LRRC9: variants seen among roughly 807,000 people sequenced by gnomAD.
LRRC9 encodes leucine rich repeat containing 9.
In LRRC9, 122 loss-of-function variants were observed where a neutral mutation model predicts 63.2. That is an observed-to-expected ratio of 1.93 (90% CI 1.67 to 2.24). LRRC9 has a LOEUF of 2.24. LRRC9 is among the 30% of genes most tolerant of loss of function. LRRC9 has a pLI of 0.00. For missense variants in LRRC9, 1,071 were observed against 627.7 expected (o/e 1.71, Z -7.55); for synonymous variants, 366 against 213.1 (o/e 1.72, Z -6.25).
At chr14:60,052,984 G>A (rs1894004514) in intron 29 of LRRC9, 81 bp from the exon 30 acceptor site, 2 of 578,144 alleles carry the variant, frequency 3.5e-6, no homozygotes, top group Non-Finnish European at 6.2e-6. Context: ...TGTTGCCTAT[G>A]CTAAATTTCC....
chr14:60,008,517 TG>T, intron 23 of LRRC9, among the ~76,000 whole-genome samples: 1 of 152,280 alleles, frequency 6.6e-6, no homozygotes, highest in Admixed American at 6.5e-5. Context: ...AATTATGCAC[TG>T]GGGATTTAGC....
In LRRC9 at chr14:60,060,818, T is replaced by C. The variant is rs1304015793; in HGVS notation, c.4277-2505T>C. 1.3e-5 allele frequency among the ~76,000 whole-genome samples: 2 copies of C among 152,160 alleles called. No individual in the cohort carries two copies. The highest frequency in any genetic ancestry group is 4.8e-5 in the African/African-American group (2 of 41,436). The stretch of plus-strand genomic sequence containing the variant: ...TAAATTGAAGACCTTCTGGAAAGGA[T>C]TCACCATTCTAGACGCCATTAAAAA... On this transcript the variant is annotated intron_variant, in intron 31 of 31. Transcript: ENST00000445360. This position sits in a 1 kb window ranked among gnomAD's most constrained non-coding sequence, Gnocchi z 4.0.
intron 19 of LRRC9, 86 bp downstream of exon 19, chr14:59,999,312 T>C (rs1889125396): frequency 1.7e-6 from 1 of 583,312 alleles, no homozygotes; most frequent in Non-Finnish European, 3.0e-6. Flanking sequence ...ATTAAGATTT[T>C]ATAGTCCCTC....
In LRRC9 at chr14:60,004,083, A is replaced by C. The variant is rs183003956; in HGVS notation, c.2842+285A>C. On this transcript the variant is annotated intron_variant, in intron 21 of 31. Coordinates refer to ENST00000445360, the Ensembl canonical transcript of LRRC9. This position sits in a 1 kb window ranked among gnomAD's most constrained non-coding sequence, Gnocchi z 4.8. The stretch of plus-strand genomic sequence containing the variant: ...AAATAAAAGATAAATAAAAAATTAA[A>C]ACGAGTTCATACCTATTAGTGGAAT... Among the ~76,000 whole-genome samples, 1 of 152,152 alleles carries C rather than the reference A, an allele frequency of 6.6e-6. No homozygotes were observed.
chr14:59,992,653 G>A (rs75748395), intron 17 of LRRC9, among the ~76,000 whole-genome samples: 2,409 of 152,270 alleles, frequency 0.016, 88 homozygotes, highest in East Asian at 0.16. Context: ...CAAGAGCTAC[G>A]TGACAAATAC....
chr14:60,058,880 A>T lies in LRRC9; in HGVS notation c.4276+858A>T, dbSNP rs1894470258. On this transcript the variant is annotated intron_variant, in intron 31 of 31. Transcript: ENST00000445360. This position sits in a 1 kb window ranked among gnomAD's most constrained non-coding sequence, Gnocchi z 4.4. ...GCATAATTTACTCCATTAAGATGTT[A>T]TATTTTCTCATTTTTCATACTTATA... is the stretch of plus-strand genomic sequence containing the variant. Among the ~76,000 whole-genome samples, 2 of 152,210 alleles carry T rather than the reference A, an allele frequency of 1.3e-5. No homozygotes were observed.
chr14:59,976,859 A>G (rs1886339849), intron 13 of LRRC9, among the ~76,000 whole-genome samples: 1 of 152,240 alleles, frequency 6.6e-6, no homozygotes, highest in Non-Finnish European at 1.5e-5. Context: ...GCCTCCTACC[A>G]TCTAAGCTAT....
At chr14:60,016,086 G>C (rs186833526) in intron 23 of LRRC9, among the ~76,000 whole-genome samples, 1 of 152,236 alleles carries the variant, frequency 6.6e-6, no homozygotes, top group East Asian at 1.9e-4. Context: ...CTAACACCCA[G>C]TAGAGATTAT....
At chr14:60,057,455 T>C in intron 30 of LRRC9, 1 of 152,744 alleles carries the variant, frequency 6.5e-6, no homozygotes, top group East Asian at 1.9e-4. Flanking sequence ...TCTGATTAGG[T>C]AATGTGAAGA....
chr14:60,023,110 G>A lies in LRRC9; in HGVS notation c.3703+240G>A, dbSNP rs566723990. ...TTACATCATAATTTACTTGTATATC[G>A]TATTCAACTTAAAAAACAATAAAAA... On this transcript the variant is annotated intron_variant, in intron 27 of 31. Coordinates refer to ENST00000445360, the Ensembl canonical transcript of LRRC9. Among the ~76,000 whole-genome samples, 7 of 151,396 alleles carry A rather than the reference G, an allele frequency of 4.6e-5. No homozygotes were observed. The South Asian group carries it at 8.3e-4, about 18-fold the overall frequency.
chr14:60,010,587 C>G (rs1890187059), intron 23 of LRRC9, among the ~76,000 whole-genome samples: 1 of 152,220 alleles, frequency 6.6e-6, no homozygotes, highest in Non-Finnish European at 1.5e-5. Flanking sequence ...GTTACTTATG[C>G]AAATTTCTGC....
intron 17 of LRRC9, among the ~76,000 whole-genome samples, chr14:59,987,925 A>G (rs1887653339): frequency 6.6e-6 from 1 of 152,230 alleles, no homozygotes; most frequent in South Asian, 2.1e-4. Context: ...TTTTCAAGAT[A>G]ATGAATTTGT....
chr14:60,000,465 A>T (rs1290772648), intron 19 of LRRC9, among the ~76,000 whole-genome samples: 2 of 152,144 alleles, frequency 1.3e-5, no homozygotes, highest in Non-Finnish European at 2.9e-5. Flanking sequence ...TTAGTTTTTT[A>T]AAAAGAAATC....
In LRRC9 at chr14:60,057,268, C is replaced by T. The variant is rs538696682; in HGVS notation, c.4132-610C>T. ...AGTCCCCTTCCTAAAATATTTTTCT[C>T]CTCTATTTGCTGATTCCTGAAATTC... is the stretch of plus-strand genomic sequence containing the variant. On this transcript the variant is annotated intron_variant, in intron 30 of 31. Transcript: ENST00000445360. Among the ~76,000 whole-genome samples the T allele has an allele frequency of 9.2e-5, 14 of 152,198 alleles. 2 individuals are homozygous for T. The highest frequency in any genetic ancestry group is 3.1e-4 in the African/African-American group (13 of 41,548).
In LRRC9 at chr14:59,964,371, GT is replaced by G. The variant is rs1884631846; in HGVS notation, c.1212-2214del. ...AACGCAGTACTCCACCACATAAGTG[GT>G]TTTGTTTGTTCTGTTTCCTTCACCC... On this transcript the variant is annotated intron_variant, in intron 10 of 31. Coordinates refer to ENST00000445360, the Ensembl canonical transcript of LRRC9. The surrounding 1 kb of genome is among the most constrained non-coding windows in gnomAD (Gnocchi z 4.4). Among the ~76,000 whole-genome samples the G allele has an allele frequency of 6.6e-6, 1 of 152,190 alleles. No individual in the cohort carries two copies. Among genetic ancestry groups the G allele is most frequent in the Admixed American group, 6.5e-5 (1 of 15,284 alleles).
intron 21 of LRRC9, among the ~76,000 whole-genome samples, chr14:60,005,603 C>T (rs1889745432): frequency 6.6e-6 from 1 of 152,022 alleles, no homozygotes; most frequent in Admixed American, 6.6e-5. Flanking sequence ...CAACATTGTA[C>T]AGTCCCACAA....
At chr14:60,002,149 T>G in intron 20 of LRRC9, 49 bp downstream of exon 20, 1 of 661,054 alleles carries the variant, frequency 1.5e-6, no homozygotes. Flanking sequence ...TTTAAATCTA[T>G]TTTTAAGTCA....
intron 14 of LRRC9, among the ~76,000 whole-genome samples, chr14:59,977,613 A>T (rs1886441925): frequency 6.7e-6 from 1 of 150,250 alleles, no homozygotes; most frequent in South Asian, 2.1e-4. Flanking sequence ...TTCATTTTCA[A>T]AGAATTAAAA....
intron 10 of LRRC9, among the ~76,000 whole-genome samples, chr14:59,963,179 G>A (rs528047809): frequency 4.6e-5 from 7 of 152,190 alleles, no homozygotes; most frequent in African/African-American, 1.7e-4. Context: ...AAGATTTTCT[G>A]TTAAAATTAT....
Sources: allele counts gnomAD v4.1 joint callset (sites outside exome capture counted in the v4.1 genomes callset), GRCh38; gene constraint gnomAD v4.1.1; non-coding constraint Gnocchi (gnomAD v3.1); transcripts MANE v1.5; gene names NCBI Gene and HGNC (gene_info 2026-07-23, HGNC 2026-07-21).